PICALM: variants seen among roughly 807,000 people sequenced by gnomAD.
The protein encoded by PICALM is phosphatidylinositol binding clathrin assembly protein.
In PICALM, 40 loss-of-function variants were observed where a neutral mutation model predicts 80.5. The observed-to-expected ratio is 0.50, with a 90% CI of 0.39 to 0.65. The LOEUF is 0.65. Among genes scored for constraint, PICALM ranks in the 30% least tolerant of loss-of-function variants. PICALM has a pLI of 0.00. For synonymous variants in PICALM, 288 were observed against 260.3 expected (o/e 1.11, Z -1.02); for missense variants, 676 against 778.9 (o/e 0.87, Z 1.57).
chr11:86,058,028 G>A (rs1023821677), intron 1 of PICALM, among the ~76,000 whole-genome samples: 1 of 152,176 alleles, frequency 6.6e-6, no homozygotes, highest in African/African-American at 2.4e-5. Context: ...TACAGTGCAT[G>A]AGGCGGATTT....
intron 1 of PICALM, among the ~76,000 whole-genome samples, chr11:86,049,080 G>T (rs1036677108): frequency 7.9e-5 from 12 of 152,092 alleles, no homozygotes; most frequent in African/African-American, 2.7e-4. Flanking sequence ...ATCACATGAG[G>T]CTAGGAGTTC....
At chr11:86,021,216 T>G (rs2095556819) in intron 4 of PICALM, among the ~76,000 whole-genome samples, 1 of 151,984 alleles carries the variant, frequency 6.6e-6, no homozygotes, top group South Asian at 2.1e-4. Flanking sequence ...CTGAGCATAG[T>G]GTTGCATGCC....
intron 12 of PICALM, among the ~76,000 whole-genome samples, chr11:85,993,142 A>G (rs1371073608): frequency 1.3e-5 from 2 of 151,214 alleles, no homozygotes; most frequent in East Asian, 3.9e-4. Context: ...TTGGAATGCA[A>G]TGGCATAATC....
At chr11:86,014,410 A>G (rs2095447012) in intron 5 of PICALM, among the ~76,000 whole-genome samples, 1 of 152,238 alleles carries the variant, frequency 6.6e-6, no homozygotes, top group South Asian at 2.1e-4. Flanking sequence ...CATTAAAACA[A>G]AAATTCCAGC....
At chr11:86,044,343 C>T (rs777191120) in intron 1 of PICALM, among the ~76,000 whole-genome samples, 2 of 152,174 alleles carry the variant, frequency 1.3e-5, no homozygotes, top group Admixed American at 6.5e-5. Context: ...CAACTACCAC[C>T]TTCCACATAG....
intron 1 of PICALM, among the ~76,000 whole-genome samples, chr11:86,052,780 G>T (rs1299952349): frequency 6.6e-6 from 1 of 152,156 alleles, no homozygotes; most frequent in Non-Finnish European, 1.5e-5. Context: ...ATAATTAAAA[G>T]TCATACTCCC....
intron 1 of PICALM, among the ~76,000 whole-genome samples, chr11:86,066,355 T>C (rs577284046): frequency 6.6e-6 from 1 of 152,254 alleles, no homozygotes; most frequent in Non-Finnish European, 1.5e-5. Context: ...AGAAGCACAT[T>C]AACGACACAT....
intron 13 of PICALM, among the ~76,000 whole-genome samples, chr11:85,987,050 T>C (rs1000520638): frequency 2.0e-5 from 3 of 152,226 alleles, no homozygotes; most frequent in African/African-American, 7.2e-5. Context: ...AAACACCTTT[T>C]ACAAAATTTG....
At chr11:86,008,635 A>T (rs2095326410) in intron 7 of PICALM, among the ~76,000 whole-genome samples, 1 of 151,974 alleles carries the variant, frequency 6.6e-6, no homozygotes, top group Admixed American at 6.6e-5. Flanking sequence ...AAAAAAAAAA[A>T]ATCTGATAAA....
At chr11:85,981,048 T>C (rs2094428045) in intron 17 of PICALM, 81 bp downstream of exon 17, 1 of 737,066 alleles carries the variant, frequency 1.4e-6, no homozygotes, top group Admixed American at 2.1e-5. Flanking sequence ...TATTTATGTC[T>C]ATCACTTTAA....
intron 19 of PICALM, among the ~76,000 whole-genome samples, chr11:85,968,946 CAACA>C (rs1383620547): frequency 8.6e-6 from 1 of 115,690 alleles, no homozygotes; most frequent in African/African-American, 3.4e-5. Flanking sequence ...AAAAATGACT[CAACA>C]CACACACACA....
Position 86,068,730 on chromosome 11 carries a change from G to C in PICALM, c.51C>G (p.Val17=). 3.7e-6 allele frequency: 6 copies of C among 1,613,002 alleles called. No individual in the cohort carries two copies. Among genetic ancestry groups the C allele is most frequent in the Non-Finnish European group, 5.1e-6 (6 of 1,179,764 alleles). The change falls in exon 1 of 20, where the codon GTC becomes GTG. Residue 17 remains valine (V), a synonymous_variant. Transcript: ENST00000393346. Reference sequence around the variant, plus strand: ...CTGTCTTGGATACGGCAGAGCCGGTGACACTGTGCTGGGCGGCAGTGATTC... The same window carrying C: ...CTGTCTTGGATACGGCAGAGCCGGTCACACTGTGCTGGGCGGCAGTGATTC... ...TDRITAAQHS[V]TGSAVSKTVC... is the part of the protein sequence containing the mutation.
chr11:85,978,381 AT>A (rs2135635290), intron 17 of PICALM: 1 of 220,722 alleles, frequency 4.5e-6, no homozygotes, highest in African/African-American at 2.3e-5. Context: ...ACAGTGCAAA[AT>A]TTTGGGCATT....
chr11:85,982,550 C>G (rs1051504018), intron 14 of PICALM, among the ~76,000 whole-genome samples: 7 of 146,394 alleles, frequency 4.8e-5, no homozygotes, highest in African/African-American at 1.8e-4. Context: ...GCCTCAGCCT[C>G]CCGAGTAGCT....
intron 8 of PICALM, among the ~76,000 whole-genome samples, chr11:86,005,468 T>C (rs992307024): frequency 6.6e-6 from 1 of 151,970 alleles, no homozygotes. Flanking sequence ...CGGAAGTAGA[T>C]AGAGGTGAGA....
intron 4 of PICALM, among the ~76,000 whole-genome samples, chr11:86,020,640 G>C (rs2095549241): frequency 6.6e-6 from 1 of 152,132 alleles, no homozygotes; most frequent in Non-Finnish European, 1.5e-5. Flanking sequence ...GGAAAGAAGA[G>C]TAATTTCACA....
chr11:86,068,600 C>A, intron 1 of PICALM, 51 bp downstream of exon 1: 1 of 1,561,494 alleles, frequency 6.4e-7, no homozygotes, highest in Non-Finnish European at 8.7e-7. Context: ...GAAGGACGCG[C>A]GCGGGTCGCG....
At chr11:86,021,523 A>AC (rs61401110) in intron 4 of PICALM, among the ~76,000 whole-genome samples, 4 of 151,910 alleles carry the variant, frequency 2.6e-5, no homozygotes, top group Non-Finnish European at 4.4e-5. Context: ...GCAAAAAAAA[A>AC]CCCAGAAAAT....
At chr11:86,052,485 A>G (rs2096205969) in intron 1 of PICALM, among the ~76,000 whole-genome samples, 1 of 152,194 alleles carries the variant, frequency 6.6e-6, no homozygotes, top group South Asian at 2.1e-4. Context: ...TTAGGTTTAC[A>G]TTATTTCTGT....
Sources: gnomAD v4.1 joint callset for allele counts (sites outside exome capture counted in the v4.1 genomes callset) on GRCh38, gnomAD v4.1.1 for gene constraint, MANE v1.5 for transcripts, NCBI Gene and HGNC (gene_info 2026-07-23, HGNC 2026-07-21) for gene names.